Variants in ADAT1 observed in about 807,000 individuals in gnomAD.
ADAT1 encodes adenosine deaminase tRNA specific 1.
Under a neutral mutation model 58.6 loss-of-function variants are expected in ADAT1, and 58 were observed. The observed-to-expected ratio is 0.99, with a 90% confidence interval of 0.80 to 1.23. The LOEUF (loss-of-function observed/expected upper bound fraction) is 1.23, where lower values mean the gene tolerates loss of function less well. ADAT1 is among the 50% of genes most tolerant of loss of function. The pLI is 0.00. For synonymous variants in ADAT1, 254 were observed against 220.8 expected, an observed-to-expected ratio of 1.15 and a Z score of -1.33; for missense variants, 741 against 608.6, an observed-to-expected ratio of 1.22 and a Z score of -2.29.
In ADAT1 at chr16:75,599,124, C is replaced by T. The variant is rs143716428; in HGVS notation, c.*1092G>A. The T allele has an allele frequency of 3.1e-6, 3 of 973,388 alleles. No individual in the cohort carries two copies. Among genetic ancestry groups the T allele is most frequent in the African/African-American group, 3.7e-5 (2 of 54,716 alleles). 60.3% of individuals were successfully genotyped at this position (973,388 alleles called of 1,614,324 possible). A position where few individuals can be genotyped will look rare whatever the true frequency, so the allele number is the denominator to read the frequency against. Reference sequence around the variant, plus strand: ...TGAGATAGGGTCTTGCTCTATCACCCAGGCTGGAGTGCAGCGGTACGATCT... The same window carrying T: ...TGAGATAGGGTCTTGCTCTATCACCTAGGCTGGAGTGCAGCGGTACGATCT... On this transcript the variant is annotated 3_prime_UTR_variant, in exon 10 of 10. Coordinates refer to ENST00000564657, the MANE Select transcript of ADAT1 (RefSeq NM_001324445.2).
intron 4 of ADAT1, among the ~76,000 whole-genome samples, chr16:75,617,980 C>G (rs565092980): frequency 6.6e-6 from 1 of 150,694 alleles, no homozygotes; most frequent in Admixed American, 6.6e-5. Context: ...GCCTGTAACC[C>G]CAGCTATTCA....
At chr16:75,604,454 A>ATATAT (rs1409125275) in intron 8 of ADAT1, among the ~76,000 whole-genome samples, 1 of 71,350 alleles carries the variant, frequency 1.4e-5, no homozygotes, top group Admixed American at 2.2e-4. Context: ...AAAAAAAAAA[A>ATATAT]AAATATATAT....
At chr16:75,606,209 A>G (rs1210406310) in intron 8 of ADAT1, among the ~76,000 whole-genome samples, 1 of 152,090 alleles carries the variant, frequency 6.6e-6, no homozygotes, top group Non-Finnish European at 1.5e-5. Flanking sequence ...ACCAACAGTA[A>G]TTGCCACAAA....
rs537606613 is a variant in ADAT1, at chr16:75,610,032, T to G, written c.1044-1044A>C. 9.8e-5 allele frequency among the ~76,000 whole-genome samples: 15 copies of G among 152,326 alleles called. No homozygotes were observed. The South Asian group carries it at 3.1e-3, about 32-fold the overall frequency. On this transcript the variant is annotated intron_variant, in intron 6 of 9. Transcript: ENST00000564657. ...GGTAACTACTAAGCTATTATCTGTC[T>G]TTATGGATTTGCCTGTTCTAGATAT...
chr16:75,608,966 G>C lies in ADAT1; in HGVS notation c.1066C>G (p.Pro356Ala), dbSNP rs367704330. The change falls in exon 7 of 10, where the codon CCA becomes GCA. Residue 356 changes from proline to alanine, a missense_variant. Coordinates refer to ENST00000564657, the MANE Select transcript of ADAT1 (RefSeq NM_001324445.2). Reference protein sequence around the residue: ...IGRCQNVSALPKGFGVQELKI... With the variant: ...IGRCQNVSALAKGFGVQELKI... ...AATTCTTGAACTCCGAAGCCTTTTG[G>C]TAAAGCAGACACATTCTGACACCTA... 3.1e-6 allele frequency: 5 copies of C among 1,614,048 alleles called. No homozygotes were observed. In the African/African-American group the frequency reaches 6.7e-5, roughly 22 times the overall value.
chr16:75,609,211 C>T (rs753560533), intron 6 of ADAT1, among the ~76,000 whole-genome samples: 9 of 152,184 alleles, frequency 5.9e-5, no homozygotes, highest in Non-Finnish European at 1.3e-4. Flanking sequence ...ATCAAGTCAA[C>T]ACCCTTCAGG....
At chr16:75,604,502 CACACACACACACACACAT>C (rs1430201359) in intron 8 of ADAT1, among the ~76,000 whole-genome samples, 2 of 133,286 alleles carry the variant, frequency 1.5e-5, no homozygotes, top group Non-Finnish European at 1.5e-5. Context: ...CACACACACA[CACACACACACACACACAT>C]ATATACATAT....
chr16:75,602,534 G>A (rs1366271236), intron 9 of ADAT1, among the ~76,000 whole-genome samples: 3 of 152,176 alleles, frequency 2.0e-5, no homozygotes, highest in African/African-American at 7.2e-5. Flanking sequence ...TGGGTGGTTT[G>A]GGGCTTTCCT....
intron 8 of ADAT1, among the ~76,000 whole-genome samples, chr16:75,605,589 C>A (rs2081347001): frequency 6.6e-6 from 1 of 151,988 alleles, no homozygotes; most frequent in South Asian, 2.1e-4. Context: ...ACCACTAACA[C>A]CCACATTGTT....
At chr16:75,607,763 A>T (rs1269791631) in intron 8 of ADAT1, among the ~76,000 whole-genome samples, 1 of 152,216 alleles carries the variant, frequency 6.6e-6, no homozygotes, top group African/African-American at 2.4e-5. Context: ...TGGCCATGCA[A>T]AAAGTGGTAC....
rs2081591709 is a variant in ADAT1 at position 75,612,893 on chromosome 16, T to C, written c.425-32A>G. 5 of 1,594,554 alleles carry C rather than the reference T, an allele frequency of 3.1e-6. No individual in the cohort carries two copies. In the African/African-American group the frequency reaches 6.7e-5, roughly 22 times the overall value. On this transcript the variant is annotated intron_variant, in intron 5 of 9. Coordinates refer to ENST00000564657, the MANE Select transcript of ADAT1 (RefSeq NM_001324445.2). ...AGAATGAACCCACTTAAACAAATGG[T>C]TCTCAAGTGAGGTCCCTGGACCAGC...
chr16:75,612,198 C>T, intron 6 of ADAT1, 45 bp downstream of exon 6: 2 of 1,586,992 alleles, frequency 1.3e-6, no homozygotes, highest in Non-Finnish European at 1.7e-6. Flanking sequence ...CCTCAGACTG[C>T]CTCTTGGAAT....
intron 5 of ADAT1, among the ~76,000 whole-genome samples, chr16:75,613,363 G>T (rs899998713): frequency 3.9e-5 from 6 of 152,278 alleles, no homozygotes; most frequent in African/African-American, 1.4e-4. Flanking sequence ...GTGCAGTGGG[G>T]TGATCTCTGC....
chr16:75,609,047 G>T, intron 6 of ADAT1, 59 bp from the exon 7 acceptor site: 1 of 1,597,238 alleles, frequency 6.3e-7, no homozygotes. Flanking sequence ...ACAGTATCTA[G>T]GATTGTGGCT....
chr16:75,606,556 C>A (rs2081378309), intron 8 of ADAT1, among the ~76,000 whole-genome samples: 1 of 152,294 alleles, frequency 6.6e-6, no homozygotes, highest in African/African-American at 2.4e-5. Context: ...TTATAAGGAA[C>A]TGAAGCCTCC....
At chr16:75,610,960 A>T (rs945488091) in intron 6 of ADAT1, among the ~76,000 whole-genome samples, 4 of 152,176 alleles carry the variant, frequency 2.6e-5, no homozygotes, top group African/African-American at 9.7e-5. Context: ...AAAAAAATTT[A>T]AAAATCAGCC....
At chr16:75,601,171 T>C (rs2151739274) in intron 9 of ADAT1, among the ~76,000 whole-genome samples, 1 of 152,020 alleles carries the variant, frequency 6.6e-6, no homozygotes, top group Non-Finnish European at 1.5e-5. Context: ...TGAAACCCCA[T>C]CTCTACTAAA....
At chr16:75,606,558 G>A (rs1014884114) in intron 8 of ADAT1, among the ~76,000 whole-genome samples, 4 of 152,170 alleles carry the variant, frequency 2.6e-5, no homozygotes. Flanking sequence ...ATAAGGAACT[G>A]AAGCCTCCTG....
In ADAT1 at chr16:75,619,781, G is replaced by C. The variant is rs1485382848; in HGVS notation, c.238+485C>G. The C allele has an allele frequency of 1.1e-5, 4 of 364,764 alleles. No individual in the cohort carries two copies. In the Admixed American group the frequency reaches 1.4e-4, roughly 13 times the overall value. 22.6% of individuals were successfully genotyped at this position (364,764 alleles called of 1,614,324 possible). A position where few individuals can be genotyped will look rare whatever the true frequency, so the allele number is the denominator to read the frequency against. Reference sequence around the variant, plus strand: ...AAAAATTAGCTGGGCGTGATGGTGGGTGCCTGCTGAGGCAGGAGAATCGCT... The same window carrying C: ...AAAAATTAGCTGGGCGTGATGGTGGCTGCCTGCTGAGGCAGGAGAATCGCT... On this transcript the variant is annotated intron_variant, in intron 3 of 9. Coordinates refer to ENST00000564657, the MANE Select transcript of ADAT1 (RefSeq NM_001324445.2).
Sources: gnomAD v4.1 joint callset for allele counts (sites outside exome capture counted in the v4.1 genomes callset) on GRCh38, gnomAD v4.1.1 for gene constraint, MANE v1.5 for transcripts, NCBI Gene and HGNC (gene_info 2026-07-23, HGNC 2026-07-21) for gene names.